Variants in CACNA2D3 observed in about 807,000 individuals in gnomAD.
CACNA2D3 encodes voltage-dependent calcium channel subunit alpha-2/delta-3.
Under a neutral mutation model 160.6 loss-of-function variants are expected in CACNA2D3, and 60 were observed. The observed-to-expected ratio is 0.37, with a 90% CI of 0.30 to 0.46. CACNA2D3 has a LOEUF of 0.46. Ranked by LOEUF, CACNA2D3 falls within the 20% of genes least tolerant of loss-of-function variation. The probability of loss-of-function intolerance (pLI) is 1.00; values close to 1 mark genes in which losing one functional copy is unlikely to be tolerated. For missense variants in CACNA2D3, 1,205 were observed against 1,365.0 expected, an observed-to-expected ratio of 0.88 and a Z score of 1.85; for synonymous variants, 558 against 492.9, an observed-to-expected ratio of 1.13 and a Z score of -1.75.
chr3:54,777,262 GCTTCTATT>G (rs1702442178), intron 13 of CACNA2D3, among the ~76,000 whole-genome samples: 2 of 152,292 alleles, frequency 1.3e-5, no homozygotes, highest in South Asian at 4.1e-4. Flanking sequence ...CTCTTAGCCT[GCTTCTATT>G]TAAAAGTAGC....
rs536842836 is a variant in CACNA2D3 at position 54,480,171 on chromosome 3, C to T, written c.382-23321C>T. 1.1e-4 allele frequency among the ~76,000 whole-genome samples: 17 copies of T among 152,172 alleles called. No individual in the cohort carries two copies. In the South Asian group the frequency reaches 2.5e-3, roughly 22 times the overall value. ...CCAGCCTGGGCAACATAGTGAGACC[C>T]TGTCTCTACAAAAAAAAAGAAGGAA... is the stretch of plus-strand genomic sequence containing the variant. On this transcript the variant is annotated intron_variant, in intron 4 of 37. Coordinates refer to ENST00000474759, the MANE Select transcript of CACNA2D3 (RefSeq NM_018398.3).
chr3:54,191,662 G>A (rs1700986618), intron 2 of CACNA2D3, among the ~76,000 whole-genome samples: 1 of 152,096 alleles, frequency 6.6e-6, no homozygotes, highest in Admixed American at 6.5e-5. Flanking sequence ...GGACAGGTTG[G>A]CTTTGAAGAG....
intron 2 of CACNA2D3, among the ~76,000 whole-genome samples, chr3:54,158,174 T>G (rs1700278537): frequency 6.6e-6 from 1 of 152,180 alleles, no homozygotes; most frequent in Non-Finnish European, 1.5e-5. Context: ...CCTGTATTTC[T>G]GTGGCATTTT....
chr3:54,249,529 G>T (rs1037508673), intron 2 of CACNA2D3, among the ~76,000 whole-genome samples: 2 of 140,714 alleles, frequency 1.4e-5, no homozygotes, highest in Non-Finnish European at 3.0e-5. Flanking sequence ...GTGAGAACCA[G>T]TTCCTTAGAA....
chr3:55,020,929 T>C (rs181819962), intron 35 of CACNA2D3, among the ~76,000 whole-genome samples: 2 of 152,288 alleles, frequency 1.3e-5, no homozygotes, highest in Admixed American at 6.5e-5. Context: ...GTTTTTATGC[T>C]CAAAAAGGAG....
chr3:54,338,079 T>G (rs1704430339), intron 3 of CACNA2D3, among the ~76,000 whole-genome samples: 1 of 152,256 alleles, frequency 6.6e-6, no homozygotes, highest in South Asian at 2.1e-4. Flanking sequence ...TTAATCACTA[T>G]GGAGCACTAT....
At chr3:54,842,792 G>A (rs1396525364) in intron 16 of CACNA2D3, among the ~76,000 whole-genome samples, 3 of 150,976 alleles carry the variant, frequency 2.0e-5, no homozygotes, top group African/African-American at 4.9e-5. Flanking sequence ...GTAGAGATGG[G>A]GTTTCACCAT....
intron 2 of CACNA2D3, among the ~76,000 whole-genome samples, chr3:54,224,346 G>A (rs1451479338): frequency 6.6e-6 from 1 of 151,916 alleles, no homozygotes; most frequent in Non-Finnish European, 1.5e-5. Flanking sequence ...TAGTAAATAC[G>A]TAAACCACTA....
chr3:54,713,321 T>G (rs916538447), intron 11 of CACNA2D3, among the ~76,000 whole-genome samples: 3 of 152,162 alleles, frequency 2.0e-5, no homozygotes, highest in Non-Finnish European at 4.4e-5. Flanking sequence ...TGGAATTAGG[T>G]GATTCTCCAC....
intron 9 of CACNA2D3, among the ~76,000 whole-genome samples, chr3:54,583,373 T>C (rs544638904): frequency 7.2e-5 from 11 of 152,332 alleles, no homozygotes; most frequent in East Asian, 5.8e-4. Context: ...TTTATGGATA[T>C]TGAAGACTGG....
chr3:54,603,424 C>A (rs952916431), intron 9 of CACNA2D3, among the ~76,000 whole-genome samples: 5 of 152,232 alleles, frequency 3.3e-5, no homozygotes, highest in African/African-American at 1.2e-4. Flanking sequence ...TCTGGGGTAT[C>A]CTTAGGGGTC....
At chr3:54,968,167 G>A (rs370609905) in intron 27 of CACNA2D3, among the ~76,000 whole-genome samples, 5 of 152,108 alleles carry the variant, frequency 3.3e-5, no homozygotes, top group African/African-American at 9.6e-5. Context: ...TGGGGGTAGG[G>A]GCAGTGGTGC....
At chr3:54,734,222 G>C (rs529652475) in intron 11 of CACNA2D3, among the ~76,000 whole-genome samples, 4 of 152,302 alleles carry the variant, frequency 2.6e-5, no homozygotes, top group African/African-American at 7.2e-5. Flanking sequence ...TACCTAAACT[G>C]TTGCATGCTG....
chr3:54,899,694 G>C (rs1172928468), intron 26 of CACNA2D3, 94 bp from the exon 27 acceptor site: 1 of 919,090 alleles, frequency 1.1e-6, no homozygotes, highest in Non-Finnish European at 1.7e-6. Context: ...AGAACAATTT[G>C]CAGAATTGGT....
chr3:54,747,717 C>G (rs1027364472), intron 11 of CACNA2D3, among the ~76,000 whole-genome samples: 1 of 152,126 alleles, frequency 6.6e-6, no homozygotes, highest in African/African-American at 2.4e-5. Flanking sequence ...GCTTCCCTGT[C>G]GCAGGGACCT....
chr3:54,694,730 G>A (rs938274077), intron 11 of CACNA2D3, among the ~76,000 whole-genome samples: 1 of 152,190 alleles, frequency 6.6e-6, no homozygotes, highest in Non-Finnish European at 1.5e-5. Flanking sequence ...TTCCCTGTAA[G>A]AGGGTCCACA....
intron 5 of CACNA2D3, among the ~76,000 whole-genome samples, chr3:54,536,709 G>C (rs1325643062): frequency 2.0e-5 from 3 of 152,232 alleles, no homozygotes; most frequent in African/African-American, 7.2e-5. Context: ...TGTGCTGGGG[G>C]AGTGATCCTA....
chr3:55,054,713 A>G (rs546035360), intron 35 of CACNA2D3, among the ~76,000 whole-genome samples: 12 of 151,954 alleles, frequency 7.9e-5, no homozygotes, highest in South Asian at 4.2e-4. Flanking sequence ...ACATTTTACT[A>G]TGTGACACAA....
In CACNA2D3 at chr3:54,708,695, A is replaced by G. The variant is rs866993163; in HGVS notation, c.1168-43904A>G. ...TGAATGCATATTTGTAAGTTAAGCC[A>G]TAATTTAAATGCTCAAATCCTAGGC... On this transcript the variant is annotated intron_variant, in intron 11 of 37. Transcript: ENST00000474759. 2.1e-4 allele frequency among the ~76,000 whole-genome samples: 32 copies of G among 152,264 alleles called. 1 individual carries two copies. Among genetic ancestry groups the G allele is most frequent in the Non-Finnish European group, 4.1e-4 (28 of 68,050 alleles).
Sources: allele counts gnomAD v4.1 joint callset (sites outside exome capture counted in the v4.1 genomes callset), GRCh38; gene constraint gnomAD v4.1.1; transcripts MANE v1.5; gene names NCBI Gene and HGNC (gene_info 2026-07-23, HGNC 2026-07-21).